The following SLC14A2 variants were observed in gnomAD, a reference collection of about 807,000 sequenced individuals.
SLC14A2 encodes the protein solute carrier family 14 member 2.
SLC14A2 carries 91 observed loss-of-function variants against 104.6 expected under a neutral mutation model. The ratio of observed to expected loss-of-function variants is 0.87; its 90% CI spans 0.73 to 1.04. The LOEUF (loss-of-function observed/expected upper bound fraction) is 1.04. Ranked by LOEUF, SLC14A2 falls within the 50% of genes least tolerant of loss-of-function variation. The pLI is 0.00. For missense variants in SLC14A2, 1,189 were observed against 1,156.0 expected (o/e 1.03, Z -0.41); for synonymous variants, 476 against 466.4 (o/e 1.02, Z -0.27).
At chr18:45,598,183 CAG>C (rs1170710242) in intron 2 of SLC14A2, among the ~76,000 whole-genome samples, 2 of 152,210 alleles carry the variant, frequency 1.3e-5, no homozygotes, top group African/African-American at 4.8e-5. Flanking sequence ...TGGAGCCAGC[CAG>C]CCCCGACTGT....
intron 1 of SLC14A2, among the ~76,000 whole-genome samples, chr18:45,386,434 C>T (rs1313415490): frequency 1.3e-5 from 2 of 152,136 alleles, no homozygotes; most frequent in African/African-American, 4.8e-5. Flanking sequence ...CCAAAGCCAG[C>T]CATAAGCTTG....
chr18:45,303,658 G>A (rs761102891), intron 1 of SLC14A2, among the ~76,000 whole-genome samples: 12 of 152,180 alleles, frequency 7.9e-5, no homozygotes, highest in Non-Finnish European at 1.5e-4. Context: ...ATATTCATGG[G>A]TCTGCAATAC....
chr18:45,479,484 A>G (rs1003429656), intron 1 of SLC14A2, among the ~76,000 whole-genome samples: 2 of 152,178 alleles, frequency 1.3e-5, no homozygotes, highest in Admixed American at 6.5e-5. Flanking sequence ...AGGGCTTGTC[A>G]TGGCTCTGAC....
intron 1 of SLC14A2, among the ~76,000 whole-genome samples, chr18:45,324,947 C>T (rs963102798): frequency 3.3e-5 from 5 of 152,084 alleles, no homozygotes; most frequent in Admixed American, 6.6e-5. Context: ...ACCTGCGGTG[C>T]GTTTTTCACT....
At chr18:45,398,077 CA>C (rs1411607256) in intron 1 of SLC14A2, among the ~76,000 whole-genome samples, 2 of 151,918 alleles carry the variant, frequency 1.3e-5, no homozygotes, top group East Asian at 1.9e-4. Context: ...TTAATTTTTA[CA>C]AAAAAAGTCG....
chr18:45,413,663 A>G (rs977440442), intron 1 of SLC14A2, among the ~76,000 whole-genome samples: 15 of 152,174 alleles, frequency 9.9e-5, no homozygotes, highest in African/African-American at 3.6e-4. Context: ...GAGCTCCAGC[A>G]TTGTTGTTTG....
At chr18:45,459,039 A>G (rs1021661037) in intron 1 of SLC14A2, among the ~76,000 whole-genome samples, 1 of 152,212 alleles carries the variant, frequency 6.6e-6, no homozygotes, top group East Asian at 1.9e-4. Flanking sequence ...TCCATTCTGA[A>G]TAAGGGTTGA....
In SLC14A2 at chr18:45,373,452, T is replaced by C. The variant is rs1454956260; in HGVS notation, c.-124-109781T>C. 3.9e-5 allele frequency among the ~76,000 whole-genome samples: 6 copies of C among 152,306 alleles called. No individual in the cohort carries two copies. In the East Asian group the frequency reaches 1.2e-3, roughly 29 times the overall value. ...CTTCTCAGCTTCCTCTTTTTCTTCA[T>C]AGCAAATAGTTCCTACAGCCCTCCC... On this transcript the variant is annotated intron_variant, in intron 1 of 20. Transcript: ENST00000586448.
intron 1 of SLC14A2, among the ~76,000 whole-genome samples, chr18:45,382,199 G>A (rs1485632653): frequency 6.6e-6 from 1 of 152,176 alleles, no homozygotes; most frequent in African/African-American, 2.4e-5. Context: ...CAGTGCATCT[G>A]CCATATAGGG....
At chr18:45,215,085 G>C (rs753815892) in intron 1 of SLC14A2, among the ~76,000 whole-genome samples, 10 of 152,068 alleles carry the variant, frequency 6.6e-5, no homozygotes, top group Admixed American at 1.3e-4. Context: ...AATTTGAAAG[G>C]CTTCTTAAAA....
At chr18:45,195,227 A>G in the SLC14A2 span, among the ~76,000 whole-genome samples, 1 of 152,212 alleles carries the variant, frequency 6.6e-6, no homozygotes, top group Non-Finnish European at 1.5e-5. Context: ...TAAGGAGTGT[A>G]GACTTTGGCC....
At chr18:45,257,817 T>C (rs2084495343) in intron 1 of SLC14A2, among the ~76,000 whole-genome samples, 1 of 152,158 alleles carries the variant, frequency 6.6e-6, no homozygotes, top group African/African-American at 2.4e-5. Flanking sequence ...CTTTAAGGAT[T>C]TCTCCCAAGT....
rs146342772 is a variant in SLC14A2 at position 45,241,813 on chromosome 18, T to A, written c.-125+28622T>A. ...CATGTACCACCACGCCCAGTTAATT[T>A]TGTATTTTTAGTAGAGATGGGGTTT... On this transcript the variant is annotated intron_variant, in intron 1 of 20. Transcript: ENST00000586448. 6.4e-3 allele frequency among the ~76,000 whole-genome samples: 967 copies of A among 152,046 alleles called. 20 individuals are homozygous for A. The highest frequency in any genetic ancestry group is 0.022 in the African/African-American group (917 of 41,474).
At chr18:45,381,963 T>A (rs147780534) in intron 1 of SLC14A2, among the ~76,000 whole-genome samples, 1 of 152,204 alleles carries the variant, frequency 6.6e-6, no homozygotes, top group East Asian at 1.9e-4. Context: ...AAACTACAAC[T>A]GCTTGCAAAA....
At chr18:45,325,815 C>T (rs1026519634) in intron 1 of SLC14A2, among the ~76,000 whole-genome samples, 70 of 152,172 alleles carry the variant, frequency 4.6e-4, no homozygotes, top group Non-Finnish European at 5.7e-4. Context: ...TGTTTCCAAA[C>T]CTGTGTGCCT....
At chr18:45,249,589 T>C (rs915952863) in intron 1 of SLC14A2, among the ~76,000 whole-genome samples, 1 of 152,216 alleles carries the variant, frequency 6.6e-6, no homozygotes, top group African/African-American at 2.4e-5. Flanking sequence ...TTCTGTCTGA[T>C]GAATAGTCTC....
intron 2 of SLC14A2, among the ~76,000 whole-genome samples, chr18:45,525,070 A>C (rs2043573629): frequency 6.6e-6 from 1 of 152,148 alleles, no homozygotes; most frequent in Admixed American, 6.5e-5. Context: ...TATGCCTTCC[A>C]GATAAAAAGG....
At chr18:45,611,846 AGATT>A (rs781046350), upstream of SLC14A2, among the ~76,000 whole-genome samples, 3 of 152,210 alleles carry the variant, frequency 2.0e-5, no homozygotes, top group Admixed American at 6.5e-5. Context: ...CCCCATCATG[AGATT>A]GATTGAGGAA....
At position 45,457,817 on chromosome 18, in the gene SLC14A2, C is replaced by T. The variant is rs928187379; in HGVS notation, c.-124-25416C>T. 9.9e-5 allele frequency among the ~76,000 whole-genome samples: 15 copies of T among 152,158 alleles called. 1 individual carries two copies. In the East Asian group the frequency reaches 1.9e-3, roughly 20 times the overall value. On this transcript the variant is annotated intron_variant, in intron 1 of 20. Coordinates refer to the SLC14A2 transcript ENST00000586448. ...TTGGGCAGGTCACTACCTAATTGTG[C>T]GTCTGTCTAAACCATCTGTAAAATG...
Sources: gnomAD v4.1 joint callset for allele counts (sites outside exome capture counted in the v4.1 genomes callset) on GRCh38, gnomAD v4.1.1 for gene constraint, MANE v1.5 for transcripts, NCBI Gene and HGNC (gene_info 2026-07-23, HGNC 2026-07-21) for gene names.